Variants in RGS9 observed in about 807,000 individuals in gnomAD.
RGS9 encodes regulator of G protein signaling 9, also known as regulator of G-protein signalling 9.
In RGS9, 78 loss-of-function variants were observed where a neutral mutation model predicts 102.0. The observed-to-expected ratio is 0.76, with a 90% CI of 0.64 to 0.92. The LOEUF (loss-of-function observed/expected upper bound fraction) is 0.92, where lower values mean the gene tolerates loss of function less well. Ranked by LOEUF, RGS9 falls within the 40% of genes least tolerant of loss-of-function variation. RGS9 has a pLI of 0.00. For synonymous variants in RGS9, 353 were observed against 318.6 expected, an observed-to-expected ratio of 1.11 and a Z score of -1.15; for missense variants, 833 against 866.1, an observed-to-expected ratio of 0.96 and a Z score of 0.48.
intron 13 of RGS9, among the ~76,000 whole-genome samples, chr17:65,199,942 A>C (rs1050620953): frequency 5.3e-5 from 8 of 152,176 alleles, no homozygotes; most frequent in Non-Finnish European, 7.3e-5. Context: ...AGCTGTTATG[A>C]ATAATGCTGC....
chr17:65,216,317 C>G lies in RGS9; in HGVS notation c.1407+5712C>G, dbSNP rs16961399. On this transcript the variant is annotated intron_variant, in intron 17 of 18. Transcript: ENST00000262406. ...TCTGAAATTCCTGACAACTACCAAG[C>G]AAACAGAGAGACAGATTGGTTTTAG... Among the ~76,000 whole-genome samples, 270 of 152,234 alleles carry G rather than the reference C, an allele frequency of 1.8e-3. 6 individuals are homozygous for G. In the East Asian group the frequency reaches 0.049, roughly 28 times the overall value.
At position 65,227,617 on chromosome 17, in the gene RGS9, C is replaced by T. The variant is rs943911209; in HGVS notation, c.*210C>T. On this transcript the variant is annotated 3_prime_UTR_variant, in exon 19 of 19. Transcript: ENST00000262406. ...CCTTCTCCTCTTCCTGACCCTCCCT[C>T]CCCTGGGCAGAAGAAACGCATGTGG... is the stretch of plus-strand genomic sequence containing the variant. 1.6e-6 allele frequency: 1 copy of T among 635,560 alleles called. No individual in the cohort carries two copies. Among genetic ancestry groups the T allele is most frequent in the African/African-American group, 1.8e-5 (1 of 54,782 alleles). 39.4% of individuals were successfully genotyped at this position (635,560 alleles called of 1,614,324 possible). A position where few individuals can be genotyped will look rare whatever the true frequency, so the allele number is the denominator to read the frequency against.
chr17:65,170,614 G>A (rs540874838), intron 8 of RGS9, among the ~76,000 whole-genome samples: 15 of 152,076 alleles, frequency 9.9e-5, no homozygotes, highest in African/African-American at 2.7e-4. Flanking sequence ...TAACCTCCTC[G>A]GTCATTAGAA....
intron 7 of RGS9, among the ~76,000 whole-genome samples, chr17:65,164,789 C>T (rs1373596373): frequency 1.3e-5 from 2 of 152,194 alleles, no homozygotes; most frequent in African/African-American, 2.4e-5. Flanking sequence ...CGAAACAACA[C>T]GGGTTATCTT....
At chr17:65,170,773 C>T (rs1911385058) in intron 8 of RGS9, among the ~76,000 whole-genome samples, 1 of 152,130 alleles carries the variant, frequency 6.6e-6, no homozygotes, top group Non-Finnish European at 1.5e-5. Context: ...AAAAACTGCT[C>T]CCCACATCTA....
intron 16 of RGS9, among the ~76,000 whole-genome samples, chr17:65,209,646 C>G (rs1231676670): frequency 6.6e-6 from 1 of 152,198 alleles, no homozygotes; most frequent in African/African-American, 2.4e-5. Context: ...TGGCATGTGT[C>G]AAGATATTGC....
At chr17:65,176,796 A>G (rs895470323) in intron 8 of RGS9, among the ~76,000 whole-genome samples, 1 of 144,264 alleles carries the variant, frequency 6.9e-6, no homozygotes, top group African/African-American at 2.6e-5. Flanking sequence ...TCCATTCACC[A>G]TCCATCTACC....
intron 11 of RGS9, 53 bp from the exon 12 acceptor site, chr17:65,193,490 G>A: frequency 4.5e-6 from 5 of 1,114,594 alleles, no homozygotes; most frequent in Non-Finnish European, 6.9e-6. Context: ...GTGTATTGAT[G>A]TCATATCTTG....
chr17:65,194,647 G>A (rs1302269690), intron 12 of RGS9, among the ~76,000 whole-genome samples: 2 of 152,244 alleles, frequency 1.3e-5, no homozygotes, highest in Middle Eastern at 3.4e-3. Flanking sequence ...TTGGAAGAGG[G>A]GGCAGAGGCA....
At chr17:65,145,564 TAA>T (rs758250589) in intron 1 of RGS9, among the ~76,000 whole-genome samples, 3,778 of 96,240 alleles carry the variant, frequency 0.039, 87 homozygotes, top group South Asian at 0.048. Context: ...TTTTTTTTTT[TAA>T]TATATTTTTA....
intron 9 of RGS9, among the ~76,000 whole-genome samples, chr17:65,186,209 T>TATTTATTC (rs1555614379): frequency 2.1e-5 from 3 of 143,148 alleles, no homozygotes; most frequent in Non-Finnish European, 3.0e-5. Flanking sequence ...TTTATTTATT[T>TATTTATTC]ATTCTGAGAT....
intron 11 of RGS9, among the ~76,000 whole-genome samples, chr17:65,191,348 T>C (rs1912358274): frequency 6.6e-6 from 1 of 152,070 alleles, no homozygotes; most frequent in Non-Finnish European, 1.5e-5. Flanking sequence ...ACATCATTAG[T>C]GTTTTGACCT....
intron 1 of RGS9, among the ~76,000 whole-genome samples, chr17:65,146,804 C>T (rs2585860): frequency 0.14 from 21,845 of 152,050 alleles, 1,856 homozygotes; most frequent in Middle Eastern, 0.3. Flanking sequence ...GCACAAGAAC[C>T]GCTTGAGCCC....
In RGS9 at chr17:65,137,590, T is replaced by A; in HGVS notation, c.50T>A (p.Leu17His). The A allele has an allele frequency of 6.2e-7, 1 of 1,613,534 alleles. No individual in the cohort carries two copies. The highest frequency in any genetic ancestry group is 8.5e-7 in the Non-Finnish European group (1 of 1,179,962). The change falls in exon 1 of 19, where the codon CTC becomes CAC. Residue 17 changes from leucine to histidine, a missense_variant. This residue lies in a region of RGS9 where 328 missense variants were observed against 340.6 expected (regional missense o/e 0.96). Transcript: ENST00000262406. ...GQQYRPRMAF[L>H]QKIEALVKDM... ...CAGTACAGGCCGAGGATGGCATTTC[T>A]CCAAAAGGTAACCCTGGCCCCTCAC...
chr17:65,216,876 G>C (rs1003410548), intron 17 of RGS9, among the ~76,000 whole-genome samples: 1 of 152,174 alleles, frequency 6.6e-6, no homozygotes, highest in Non-Finnish European at 1.5e-5. Context: ...AAGTAGGTTC[G>C]AGTAACTCTG....
At chr17:65,222,346 C>A (rs1913730576) in intron 17 of RGS9, among the ~76,000 whole-genome samples, 1 of 152,226 alleles carries the variant, frequency 6.6e-6, no homozygotes, top group Non-Finnish European at 1.5e-5. Context: ...GACACTCCCC[C>A]TTTTTAAAAG....
chr17:65,160,399 G>A, intron 4 of RGS9, 60 bp downstream of exon 4: 1 of 1,561,640 alleles, frequency 6.4e-7, no homozygotes, highest in Non-Finnish European at 8.8e-7. Context: ...GAAAAGGTGG[G>A]GTTCATAGTT....
chr17:65,138,986 T>C, intron 1 of RGS9, among the ~76,000 whole-genome samples: 1 of 77,064 alleles, frequency 1.3e-5, no homozygotes, highest in Non-Finnish European at 2.3e-5. Flanking sequence ...CAGCATCCCC[T>C]CCTCCACCCC....
chr17:65,175,120 TGTGA>T (rs1456877029), intron 8 of RGS9, among the ~76,000 whole-genome samples: 4 of 151,830 alleles, frequency 2.6e-5, no homozygotes, highest in Non-Finnish European at 4.4e-5. Flanking sequence ...CATGTGTGTA[TGTGA>T]GTGTGTGTGA....
Sources: gnomAD v4.1 joint callset for allele counts (sites outside exome capture counted in the v4.1 genomes callset) on GRCh38, gnomAD v4.1.1 for gene constraint, gnomAD v4.1.1 regional missense constraint, MANE v1.5 for transcripts, NCBI Gene and HGNC (gene_info 2026-07-23, HGNC 2026-07-21) for gene names.